RBFOX1: variants seen among roughly 807,000 people sequenced by gnomAD.
The protein encoded by RBFOX1 is RNA binding fox-1 homolog 1.
RBFOX1 carries 8 observed loss-of-function variants against 57.7 expected under a neutral mutation model. That is an observed-to-expected ratio of 0.14 (90% CI 0.08 to 0.25). The LOEUF (loss-of-function observed/expected upper bound fraction) is 0.25, where lower values mean the gene tolerates loss of function less well. RBFOX1 is among the 10% of genes least tolerant of loss of function. The pLI is 1.00. For synonymous variants in RBFOX1, 326 were observed against 222.4 expected, an observed-to-expected ratio of 1.47 and a Z score of -4.15; for missense variants, 611 against 548.5, an observed-to-expected ratio of 1.11 and a Z score of -1.14.
At chr16:5,648,252 C>G (rs1410631740) in intron 3 of RBFOX1, among the ~76,000 whole-genome samples, 2 of 152,204 alleles carry the variant, frequency 1.3e-5, no homozygotes, top group Non-Finnish European at 2.9e-5. Context: ...GTCAGAGGTT[C>G]TCAAGTTCTC....
intron 1 of RBFOX1, among the ~76,000 whole-genome samples, chr16:6,033,948 G>T (rs1030667046): frequency 6.6e-6 from 1 of 152,296 alleles, no homozygotes; most frequent in African/African-American, 2.4e-5. Context: ...CTTGGCTACC[G>T]TGATGACTGT....
chr16:7,332,105 G>T (rs1469699408), intron 4 of RBFOX1, among the ~76,000 whole-genome samples: 7 of 152,188 alleles, frequency 4.6e-5, no homozygotes, highest in African/African-American at 2.4e-5. Context: ...TGTTATTACA[G>T]ACTGAAATAC....
intron 4 of RBFOX1, among the ~76,000 whole-genome samples, chr16:7,488,982 C>CTG (rs1282945106): frequency 2.0e-5 from 3 of 152,164 alleles, no homozygotes; most frequent in African/African-American, 4.8e-5. Flanking sequence ...ATCTATGCCT[C>CTG]TAATCTCTCT....
At chr16:5,883,029 C>T (rs894912297) in intron 4 of RBFOX1, among the ~76,000 whole-genome samples, 16 of 152,134 alleles carry the variant, frequency 1.1e-4, no homozygotes, top group Admixed American at 3.3e-4. Flanking sequence ...AGACCCTGCT[C>T]TTAGGATCTC....
intron 3 of RBFOX1, among the ~76,000 whole-genome samples, chr16:6,689,044 G>A (rs936973488): frequency 6.6e-5 from 10 of 152,152 alleles, no homozygotes; most frequent in African/African-American, 2.4e-4. Flanking sequence ...TTATTGATGG[G>A]CATTTGGGTT....
At chr16:5,614,612 C>T (rs2047951597) in intron 3 of RBFOX1, among the ~76,000 whole-genome samples, 1 of 152,140 alleles carries the variant, frequency 6.6e-6, no homozygotes, top group South Asian at 2.1e-4. Flanking sequence ...ATAGACGATA[C>T]ATCTCCCTGT....
chr16:6,405,198 A>T (rs915740051), intron 2 of RBFOX1, among the ~76,000 whole-genome samples: 2 of 152,126 alleles, frequency 1.3e-5, no homozygotes, highest in East Asian at 3.9e-4. Flanking sequence ...TATATCTGTT[A>T]TCCTATCATA....
rs988615921 is a variant in RBFOX1, at chr16:6,852,885, C to G, written c.-16+198235C>G. On this transcript the variant is annotated intron_variant, in intron 3 of 15. Coordinates refer to ENST00000550418, the MANE Select transcript of RBFOX1 (RefSeq NM_018723.4). ...GTCCAGGTGAGGTGCATGCTGGGAA[C>G]TAGCTGTCCACACAAGGTGCATGCT... is the stretch of plus-strand genomic sequence containing the variant. 2.6e-5 allele frequency among the ~76,000 whole-genome samples: 4 copies of G among 152,066 alleles called. No homozygotes were observed. In the South Asian group the frequency reaches 6.2e-4, roughly 24 times the overall value.
At chr16:7,343,002 C>A (rs1300119499) in intron 4 of RBFOX1, among the ~76,000 whole-genome samples, 1 of 152,108 alleles carries the variant, frequency 6.6e-6, no homozygotes, top group Admixed American at 6.5e-5. Flanking sequence ...GGGACTGGAA[C>A]TGGAGCTGGG....
intron 1 of RBFOX1, among the ~76,000 whole-genome samples, chr16:5,441,995 C>G (rs1024249364): frequency 2.6e-5 from 4 of 152,174 alleles, no homozygotes; most frequent in Admixed American, 2.6e-4. Flanking sequence ...CAGTAAGACA[C>G]TATCCCTGAA....
intron 4 of RBFOX1, among the ~76,000 whole-genome samples, chr16:7,277,279 TATC>T (rs2095458806): frequency 6.6e-6 from 1 of 152,180 alleles, no homozygotes. Flanking sequence ...AGAAGCAAAA[TATC>T]ATGATATTCT....
chr16:7,112,949 G>C (rs894425682), intron 4 of RBFOX1, among the ~76,000 whole-genome samples: 5 of 152,162 alleles, frequency 3.3e-5, no homozygotes, highest in Non-Finnish European at 4.4e-5. Flanking sequence ...ATATCTGCAA[G>C]TGCTGGCACC....
intron 3 of RBFOX1, among the ~76,000 whole-genome samples, chr16:6,985,819 G>T (rs935800608): frequency 3.4e-4 from 32 of 94,974 alleles, no homozygotes; most frequent in African/African-American, 1.6e-3. Flanking sequence ...GGGCCACAGA[G>T]CGTGAGTTCA....
At chr16:6,444,006 A>G (rs1034601582) in intron 2 of RBFOX1, among the ~76,000 whole-genome samples, 1 of 152,186 alleles carries the variant, frequency 6.6e-6, no homozygotes, top group Admixed American at 6.5e-5. Context: ...ATATAAATAT[A>G]TATGTGTATA....
intron 1 of RBFOX1, among the ~76,000 whole-genome samples, chr16:6,048,634 A>T (rs1344057848): frequency 1.3e-5 from 2 of 152,146 alleles, no homozygotes; most frequent in African/African-American, 4.8e-5. Flanking sequence ...GCAAACCCTT[A>T]AAATTTAGCT....
chr16:6,096,614 G>T (rs896134232), intron 1 of RBFOX1, among the ~76,000 whole-genome samples: 3 of 152,142 alleles, frequency 2.0e-5, no homozygotes, highest in African/African-American at 7.2e-5. Context: ...GGGATTCTGT[G>T]AACCAACACT....
chr16:6,450,486 C>T (rs1342212257), intron 2 of RBFOX1, among the ~76,000 whole-genome samples: 1 of 151,296 alleles, frequency 6.6e-6, no homozygotes, highest in Non-Finnish European at 1.5e-5. Flanking sequence ...GATTTCCTTC[C>T]ATGCCGATTG....
intron 5 of RBFOX1, among the ~76,000 whole-genome samples, chr16:7,557,388 C>T (rs570563084): frequency 7.9e-5 from 12 of 151,948 alleles, no homozygotes; most frequent in African/African-American, 2.4e-4. Context: ...GGGAGGCCAA[C>T]GTGGGCGGAT....
Position 7,712,251 on chromosome 16 carries a change from C to G in RBFOX1, c.*1506C>G, listed in dbSNP as rs1210216699. The G allele has an allele frequency of 1.3e-5, 2 of 152,628 alleles. No homozygotes were observed. Among genetic ancestry groups the G allele is most frequent in the African/African-American group, 4.8e-5 (2 of 41,446 alleles). The allele number at this position is 152,628 out of a possible 1,614,324, so 9.5% of individuals were successfully genotyped here. ...TAAAAACAACAGCAGCAGGCTGTCC[C>G]TGAGTAGTTTTGCTGCCATAGGTTA... On this transcript the variant is annotated 3_prime_UTR_variant, in exon 16 of 16. Coordinates refer to ENST00000550418, the MANE Select transcript of RBFOX1 (RefSeq NM_018723.4).
Sources: gnomAD v4.1 joint callset for allele counts (sites outside exome capture counted in the v4.1 genomes callset) on GRCh38, gnomAD v4.1.1 for gene constraint, MANE v1.5 for transcripts, NCBI Gene and HGNC (gene_info 2026-07-23, HGNC 2026-07-21) for gene names.